The following AIDA variants were observed in gnomAD, a reference collection of about 807,000 sequenced individuals.
AIDA encodes the protein axin interactor, dorsalization-associated protein.
AIDA carries 18 observed loss-of-function variants against 42.7 expected under a neutral mutation model. The ratio of observed to expected loss-of-function variants is 0.42; its 90% confidence interval spans 0.29 to 0.63. The LOEUF (loss-of-function observed/expected upper bound fraction) is 0.63, where lower values mean the gene tolerates loss of function less well. Among genes scored for constraint, AIDA ranks in the 20% least tolerant of loss-of-function variants. AIDA has a pLI of 0.19. For synonymous variants in AIDA, 104 were observed against 122.9 expected, an observed-to-expected ratio of 0.85 and a Z score of 1.02; for missense variants, 250 against 354.1, an observed-to-expected ratio of 0.71 and a Z score of 2.36.
chr1:222,675,949 A>G, intron 7 of AIDA, 147 bp downstream of exon 7: 1 of 773,858 alleles, frequency 1.3e-6, no homozygotes, highest in Non-Finnish European at 1.9e-6. Flanking sequence ...GACCTCTTCC[A>G]GGGACTTTGC....
chr1:222,673,635 G>A (rs191577598), intron 7 of AIDA, among the ~76,000 whole-genome samples, 200 bp from the exon 8 acceptor site: 3 of 151,836 alleles, frequency 2.0e-5, no homozygotes, highest in African/African-American at 2.4e-5. Context: ...AAAATTAGCC[G>A]GGTGTGGTGG....
intron 7 of AIDA, among the ~76,000 whole-genome samples, chr1:222,673,811 C>T (rs1052485341): frequency 4.6e-5 from 7 of 151,258 alleles, no homozygotes; most frequent in Admixed American, 6.6e-5. Context: ...AGGTAGGGCA[C>T]GGTGGCTCAC....
At chr1:222,707,669 A>C (rs562690184) in intron 1 of AIDA, among the ~76,000 whole-genome samples, 1 of 152,194 alleles carries the variant, frequency 6.6e-6, no homozygotes, top group Non-Finnish European at 1.5e-5. Context: ...ATCTCACCCT[A>C]CAAAGGTACC....
chr1:222,706,575 C>A (rs959302983), intron 1 of AIDA, among the ~76,000 whole-genome samples: 4 of 151,834 alleles, frequency 2.6e-5, no homozygotes, highest in African/African-American at 9.7e-5. Context: ...AAGTCAGATG[C>A]AAAAGATCAC....
At chr1:222,674,644 CA>C (rs1489175962) in intron 7 of AIDA, among the ~76,000 whole-genome samples, 2 of 152,138 alleles carry the variant, frequency 1.3e-5, no homozygotes, top group Non-Finnish European at 2.9e-5. Flanking sequence ...TTTGTTGTAA[CA>C]ACCTGTTTTA....
chr1:222,696,435 C>A (rs968700221), intron 2 of AIDA, among the ~76,000 whole-genome samples: 4 of 152,178 alleles, frequency 2.6e-5, no homozygotes, highest in Non-Finnish European at 5.9e-5. Context: ...AACAGTAATT[C>A]TTTTAATCCT....
At chr1:222,686,051 T>C (rs1423684261) in intron 6 of AIDA, among the ~76,000 whole-genome samples, 1 of 152,130 alleles carries the variant, frequency 6.6e-6, no homozygotes, top group Non-Finnish European at 1.5e-5. Flanking sequence ...TCCCAGCTAC[T>C]TGGGAGGCTG....
At chr1:222,687,317 G>A (rs1025391956) in intron 5 of AIDA, among the ~76,000 whole-genome samples, 1 of 152,108 alleles carries the variant, frequency 6.6e-6, no homozygotes, top group East Asian at 1.9e-4. Context: ...TGTAATCCCA[G>A]TTACTTGGGA....
At chr1:222,671,391 G>A (rs1335867347) in intron 8 of AIDA, among the ~76,000 whole-genome samples, 1 of 152,186 alleles carries the variant, frequency 6.6e-6, no homozygotes, top group Non-Finnish European at 1.5e-5. Flanking sequence ...GGAAAGTGAA[G>A]GAAGTCAGTG....
At chr1:222,686,540 C>T (rs1571930486) in intron 6 of AIDA, among the ~76,000 whole-genome samples, 1 of 152,172 alleles carries the variant, frequency 6.6e-6, no homozygotes. Context: ...GGAAATTAAG[C>T]ACATCTTATG....
intron 4 of AIDA, among the ~76,000 whole-genome samples, chr1:222,689,487 A>ATTGTGTGTG (rs1558211641): frequency 1.1e-3 from 48 of 45,348 alleles, no homozygotes; most frequent in African/African-American, 2.9e-3. Context: ...GTGTGTATAT[A>ATTGTGTGTG]TATATATATA....
intron 2 of AIDA, among the ~76,000 whole-genome samples, chr1:222,699,182 C>T (rs553189481): frequency 4.6e-5 from 7 of 151,894 alleles, no homozygotes; most frequent in East Asian, 1.9e-4. Flanking sequence ...AACTATTGAA[C>T]GGTTGGCATA....
At chr1:222,710,672 ACT>A (rs1461883844) in intron 1 of AIDA, among the ~76,000 whole-genome samples, 2 of 152,168 alleles carry the variant, frequency 1.3e-5, no homozygotes, top group African/African-American at 2.4e-5. Context: ...TTACAGAATT[ACT>A]CTCTCAGTAC....
intron 5 of AIDA, 92 bp from the exon 6 acceptor site, chr1:222,687,128 G>A: frequency 1.3e-6 from 2 of 1,531,846 alleles, no homozygotes; most frequent in Non-Finnish European, 1.8e-6. Context: ...GCAAGATGCT[G>A]ATATAAAAAA....
intron 2 of AIDA, among the ~76,000 whole-genome samples, chr1:222,696,966 G>A (rs978843408): frequency 3.3e-5 from 5 of 151,728 alleles, no homozygotes; most frequent in South Asian, 4.2e-4. Context: ...TTTAATATAC[G>A]GAGTCTCACT....
At chr1:222,683,320 C>T (rs1354924402) in intron 6 of AIDA, among the ~76,000 whole-genome samples, 1 of 152,130 alleles carries the variant, frequency 6.6e-6, no homozygotes, top group East Asian at 1.9e-4. Flanking sequence ...ACATTTGCTG[C>T]AGTTTTTGAC....
At chr1:222,677,056 A>C (rs1664558622) in intron 6 of AIDA, among the ~76,000 whole-genome samples, 1 of 152,016 alleles carries the variant, frequency 6.6e-6, no homozygotes, top group Non-Finnish European at 1.5e-5. Flanking sequence ...CTTTTTAAAG[A>C]CTTCTTAATT....
In AIDA at chr1:222,670,135, T is replaced by A; in HGVS notation, c.822A>T (p.Glu274Asp). 2 of 1,613,572 alleles carry A rather than the reference T, an allele frequency of 1.2e-6. No individual in the cohort carries two copies. Among genetic ancestry groups the A allele is most frequent in the Non-Finnish European group, 1.7e-6 (2 of 1,179,556 alleles). ...AATTCTATATGCACATCACTTACAG[T>A]TCTATTACAATTGGCCCAGGTTTAA... The part of the protein sequence containing the change: ...DEIKPGPIVI[E>D]LYKKPTDFKR... Residue 274 changes from glutamate (E) to aspartate (D), a missense_variant and splice_region_variant, in exon 9 of 10, where the codon GAA (glutamate) becomes GAT (aspartate). Physicochemically the swap from Glu to Asp is conservative, Grantham distance 45. Coordinates refer to ENST00000340020, the MANE Select transcript of AIDA (RefSeq NM_022831.4).
chr1:222,700,656 G>A (rs546927965), intron 2 of AIDA, among the ~76,000 whole-genome samples: 4 of 151,914 alleles, frequency 2.6e-5, no homozygotes, highest in Admixed American at 2.6e-4. Flanking sequence ...TCGGGAGGCT[G>A]AGGCAGGAGA....
Sources: allele counts gnomAD v4.1 joint callset (sites outside exome capture counted in the v4.1 genomes callset), GRCh38; gene constraint gnomAD v4.1.1; transcripts MANE v1.5; gene names NCBI Gene and HGNC (gene_info 2026-07-23, HGNC 2026-07-21).